The following RUNX2 variants were observed in gnomAD, a reference collection of about 807,000 sequenced individuals.
RUNX2 encodes runt-related transcription factor 2.
In RUNX2, 10 loss-of-function variants were observed where a neutral mutation model predicts 51.7. That is an observed-to-expected ratio of 0.19 (90% CI 0.12 to 0.33). RUNX2 has a LOEUF of 0.33. Among genes scored for constraint, RUNX2 ranks in the 10% least tolerant of loss-of-function variants. The pLI is 1.00. For missense variants in RUNX2, 562 were observed against 691.3 expected (o/e 0.81, Z 2.10); for synonymous variants, 276 against 273.6 (o/e 1.01, Z -0.09).
intron 2 of RUNX2, among the ~76,000 whole-genome samples, chr6:45,419,153 C>T (rs1798123294): frequency 6.6e-6 from 1 of 152,106 alleles, no homozygotes; most frequent in Admixed American, 6.5e-5. Context: ...TCTGGTGGTC[C>T]ATATTTGAAA....
chr6:45,451,948 T>G (rs1218582050), intron 5 of RUNX2, among the ~76,000 whole-genome samples: 2 of 152,218 alleles, frequency 1.3e-5, no homozygotes, highest in Non-Finnish European at 2.9e-5. Flanking sequence ...GTAATTTGTC[T>G]TGACTCTGTG....
At chr6:45,499,264 G>A (rs1173921234) in intron 6 of RUNX2, among the ~76,000 whole-genome samples, 2 of 152,206 alleles carry the variant, frequency 1.3e-5, no homozygotes, top group East Asian at 3.8e-4. Context: ...AGATGTTTCA[G>A]GTGGGGCAGC....
At chr6:45,544,131 A>T (rs1563132481) in intron 7 of RUNX2, among the ~76,000 whole-genome samples, 1 of 152,058 alleles carries the variant, frequency 6.6e-6, no homozygotes, top group Non-Finnish European at 1.5e-5. Flanking sequence ...AGCGCTCTTT[A>T]TCAAGAAAGA....
chr6:45,348,512 C>CAAAAAAA (rs754208599), intron 2 of RUNX2, among the ~76,000 whole-genome samples: 13 of 110,358 alleles, frequency 1.2e-4, no homozygotes, highest in African/African-American at 4.0e-4. Flanking sequence ...ACTAAAAATA[C>CAAAAAAA]AAAAAAAAAA....
At chr6:45,420,947 C>T (rs1184215572) in intron 2 of RUNX2, 1 of 152,178 alleles carries the variant, frequency 6.6e-6, no homozygotes, top group African/African-American at 2.4e-5. Context: ...CCAAAAACCA[C>T]ATTTTAGGTA....
At chr6:45,516,131 T>G (rs935399509) in intron 7 of RUNX2, among the ~76,000 whole-genome samples, 4 of 152,182 alleles carry the variant, frequency 2.6e-5, no homozygotes, top group Non-Finnish European at 4.4e-5. Flanking sequence ...GTCTTGTAGT[T>G]TTCCTCAGAC....
intron 2 of RUNX2, among the ~76,000 whole-genome samples, chr6:45,379,769 G>A (rs1322599272): frequency 6.6e-6 from 1 of 152,172 alleles, no homozygotes; most frequent in Admixed American, 6.5e-5. Context: ...GGGAGGCTGA[G>A]GCAGGAGAAT....
chr6:45,522,207 T>TA (rs1801527340), intron 7 of RUNX2, among the ~76,000 whole-genome samples: 1 of 152,080 alleles, frequency 6.6e-6, no homozygotes. Flanking sequence ...AGGTGAGAAG[T>TA]AAAAAAAGAA....
At chr6:45,342,739 G>A (rs1036257711) in intron 2 of RUNX2, among the ~76,000 whole-genome samples, 4 of 147,486 alleles carry the variant, frequency 2.7e-5, no homozygotes, top group South Asian at 4.3e-4. Context: ...AATAGTTTGC[G>A]TTAATGTTTT....
chr6:45,484,973 C>T (rs749843576), intron 5 of RUNX2, among the ~76,000 whole-genome samples: 7 of 152,136 alleles, frequency 4.6e-5, no homozygotes, highest in Non-Finnish European at 1.0e-4. Flanking sequence ...ATCATTGTCA[C>T]AACATTCTGA....
chr6:45,381,194 T>C (rs1797234094), intron 2 of RUNX2, among the ~76,000 whole-genome samples: 1 of 152,210 alleles, frequency 6.6e-6, no homozygotes, highest in South Asian at 2.1e-4. Context: ...GAGCAAGTTG[T>C]TCTGACCAAA....
intron 5 of RUNX2, among the ~76,000 whole-genome samples, chr6:45,445,520 T>A (rs570997978): frequency 6.6e-6 from 1 of 152,312 alleles, no homozygotes. Flanking sequence ...ATGCCCCAGA[T>A]GCTGCAGGCC....
At chr6:45,512,121 A>C in intron 6 of RUNX2, 125 bp from the exon 7 acceptor site, 1 of 751,934 alleles carries the variant, frequency 1.3e-6, no homozygotes, top group Non-Finnish European at 2.2e-6. Context: ...TATATATTAT[A>C]TATATATAAG....
intron 5 of RUNX2, among the ~76,000 whole-genome samples, chr6:45,477,777 A>G (rs1166332875): frequency 6.6e-6 from 1 of 152,214 alleles, no homozygotes; most frequent in Non-Finnish European, 1.5e-5. Context: ...TTCTAAATCT[A>G]TCTTCCCCTG....
chr6:45,448,728 A>T (rs1198886668), intron 5 of RUNX2, among the ~76,000 whole-genome samples: 1 of 152,156 alleles, frequency 6.6e-6, no homozygotes, highest in Non-Finnish European at 1.5e-5. Flanking sequence ...GTTAAATTTT[A>T]TGAGATACAA....
At position 45,399,361 on chromosome 6, in the gene RUNX2, T is replaced by C. The variant is rs1271865616; in HGVS notation, c.59-23232T>C. ...TTTCTTTTCTTTCCTTTTTTTTTTT[T>C]TTTTTTTTTTTTTTTTGAGATGGAG... On this transcript the variant is annotated intron_variant, in intron 2 of 8. Transcript: ENST00000647337. 6.8e-5 allele frequency among the ~76,000 whole-genome samples: 8 copies of C among 118,000 alleles called. No individual in the cohort carries two copies. The East Asian group carries it at 1.7e-3, about 25-fold the overall frequency. 77.4% of individuals were successfully genotyped at this position (118,000 alleles called of 152,430 possible).
At chr6:45,469,174 C>T (rs929764819) in intron 5 of RUNX2, among the ~76,000 whole-genome samples, 1 of 152,078 alleles carries the variant, frequency 6.6e-6, no homozygotes, top group Non-Finnish European at 1.5e-5. Flanking sequence ...TATTACCTAC[C>T]AGCTTGTAAG....
At chr6:45,364,723 A>G (rs188608222) in intron 2 of RUNX2, among the ~76,000 whole-genome samples, 2 of 152,326 alleles carry the variant, frequency 1.3e-5, no homozygotes, top group East Asian at 1.9e-4. Flanking sequence ...TTTTTCCCCA[A>G]TGCTCTGAAA....
chr6:45,485,697 G>GTGTGTGTGTGTGTATATATATATATATA (rs1219072282), intron 5 of RUNX2, among the ~76,000 whole-genome samples: 1 of 104,034 alleles, frequency 9.6e-6, no homozygotes, highest in African/African-American at 3.8e-5. Context: ...GTGTGTGTGT[G>GTGTGTGTGTGTGTATATATATATATATA]TATATATATA....
Sources: allele counts gnomAD v4.1 joint callset (sites outside exome capture counted in the v4.1 genomes callset), GRCh38; gene constraint gnomAD v4.1.1; transcripts MANE v1.5; gene names NCBI Gene and HGNC (gene_info 2026-07-23, HGNC 2026-07-21).